Variants in MAF observed in about 807,000 individuals in gnomAD.
MAF encodes MAF bZIP transcription factor.
A neutral mutation model predicts 22.0 loss-of-function variants in MAF; 10 were observed. That is an observed-to-expected ratio of 0.45 (90% confidence interval 0.28 to 0.77). The LOEUF (loss-of-function observed/expected upper bound fraction) is 0.77. Among genes scored for constraint, MAF ranks in the 30% least tolerant of loss-of-function variants. The pLI is 0.12. For missense variants in MAF, 544 were observed against 548.4 expected (o/e 0.99, Z 0.08); for synonymous variants, 337 against 255.8 (o/e 1.32, Z -3.03).
chr16:79,333,513 ACC>A, the MAF span, among the ~76,000 whole-genome samples: 1 of 152,088 alleles, frequency 6.6e-6, no homozygotes, highest in Admixed American at 6.6e-5. Flanking sequence ...ATTACCCAAG[ACC>A]CCAGGAGGCA....
the MAF span, among the ~76,000 whole-genome samples, chr16:79,431,636 T>A: frequency 6.6e-6 from 1 of 152,232 alleles, no homozygotes; most frequent in Non-Finnish European, 1.5e-5. Context: ...TGTGAATCAC[T>A]GTGTCCTTCT....
chr16:79,473,526 T>A, the MAF span, among the ~76,000 whole-genome samples: 1 of 152,060 alleles, frequency 6.6e-6, no homozygotes, highest in African/African-American at 2.4e-5. Context: ...TGCCAAACAA[T>A]GTCAGATAAA....
chr16:79,267,944 G>A, the MAF span, among the ~76,000 whole-genome samples: 1 of 152,104 alleles, frequency 6.6e-6, no homozygotes, highest in Admixed American at 6.5e-5. Context: ...GTGGGCGGGG[G>A]CACGCCTTTC....
the MAF span, among the ~76,000 whole-genome samples, chr16:79,230,056 T>G: frequency 6.6e-6 from 1 of 152,108 alleles, no homozygotes; most frequent in African/African-American, 2.4e-5. Context: ...GAGGTAAATA[T>G]CGATCACTGA....
chr16:79,255,240 G>C, the MAF span, among the ~76,000 whole-genome samples: 4 of 152,232 alleles, frequency 2.6e-5, no homozygotes, highest in Non-Finnish European at 5.9e-5. Flanking sequence ...GTCCAGGAAT[G>C]GTTAGCTTTG....
the MAF span, among the ~76,000 whole-genome samples, chr16:79,244,153 C>A: frequency 1.3e-5 from 2 of 152,026 alleles, no homozygotes; most frequent in South Asian, 2.1e-4. Flanking sequence ...TGAAAACCGG[C>A]ACAAGACAAG....
At chr16:79,335,176 T>C in the MAF span, among the ~76,000 whole-genome samples, 2 of 129,204 alleles carry the variant, frequency 1.5e-5, no homozygotes, top group Admixed American at 9.1e-5. Context: ...AGAGCGAGAC[T>C]CCATCTCAAA....
chr16:79,502,712 T>TAAATATATATATATATAA, the MAF span, among the ~76,000 whole-genome samples: 2 of 31,124 alleles, frequency 6.4e-5, no homozygotes, highest in Non-Finnish European at 1.3e-4. Flanking sequence ...AATATAAATA[T>TAAATATATATATATATAA]ATATATATAT....
At chr16:79,292,244 A>G in the MAF span, among the ~76,000 whole-genome samples, 4 of 152,300 alleles carry the variant, frequency 2.6e-5, no homozygotes, top group African/African-American at 9.6e-5. Context: ...GAGAAGACAT[A>G]CTGGATTAGG....
the MAF span, among the ~76,000 whole-genome samples, chr16:79,327,197 G>C: frequency 6.6e-6 from 1 of 152,312 alleles, no homozygotes; most frequent in East Asian, 1.9e-4. Flanking sequence ...GCTTGGGGCA[G>C]GGGCTTTAGG....
In MAF at chr16:79,599,066, G is replaced by A. The variant is rs964237865; in HGVS notation, c.837C>T (p.Arg279=). ...MSVRELNRQL[R]GVSKEEVIRL... ...GGATCACCTCCTCCTTGCTGACCCC[G>A]CGCAGCTGCCGGTTCAGCTCGCGCA... Residue 279 remains arginine (R), a synonymous_variant, in exon 1 of 2, where the codon CGC becomes CGT. Transcript: ENST00000326043. 2 of 1,611,456 alleles carry A rather than the reference G, an allele frequency of 1.2e-6. No individual in the cohort carries two copies. The highest frequency in any genetic ancestry group is 2.2e-5 in the East Asian group (1 of 44,770).
the MAF span, among the ~76,000 whole-genome samples, chr16:79,220,973 G>C: frequency 2.4e-4 from 37 of 152,350 alleles, no homozygotes; most frequent in African/African-American, 7.2e-4. Flanking sequence ...AACCAAGACA[G>C]AAGAGGACAG....
the MAF span, among the ~76,000 whole-genome samples, chr16:79,251,856 AT>A: frequency 1.3e-5 from 2 of 152,034 alleles, no homozygotes; most frequent in South Asian, 2.1e-4. Flanking sequence ...TTTAAAAAAA[AT>A]TTTTTTGTAA....
the MAF span, among the ~76,000 whole-genome samples, chr16:79,316,231 T>C: frequency 1.3e-5 from 2 of 152,206 alleles, no homozygotes; most frequent in African/African-American, 4.8e-5. Context: ...CTGGTAACCT[T>C]ACTTAGCAAA....
the MAF span, among the ~76,000 whole-genome samples, chr16:79,554,153 T>C: frequency 3.2e-4 from 48 of 152,118 alleles, no homozygotes; most frequent in African/African-American, 1.1e-3. Context: ...GAATGAATGA[T>C]TGATTCTAAA....
the MAF span, among the ~76,000 whole-genome samples, chr16:79,552,028 G>A: frequency 6.6e-6 from 1 of 151,978 alleles, no homozygotes; most frequent in African/African-American, 2.4e-5. Context: ...CAAAATGTTT[G>A]GAGGATAAAA....
the MAF span, among the ~76,000 whole-genome samples, chr16:79,344,613 T>C: frequency 6.6e-6 from 1 of 152,206 alleles, no homozygotes; most frequent in African/African-American, 2.4e-5. Flanking sequence ...GGAAACTGTC[T>C]ATATAATAAG....
At chr16:79,591,184 C>T (rs1290093761), downstream of MAF, among the ~76,000 whole-genome samples, 1 of 152,110 alleles carries the variant, frequency 6.6e-6, no homozygotes, top group African/African-American at 2.4e-5. Flanking sequence ...AGCTTGGAAA[C>T]GGTCAAGGCT....
the MAF span, among the ~76,000 whole-genome samples, chr16:79,471,836 C>T: frequency 1.3e-5 from 2 of 152,140 alleles, no homozygotes; most frequent in African/African-American, 4.8e-5. Context: ...ATCAAATTTT[C>T]CATAATGGGT....
Sources: gnomAD v4.1 joint callset for allele counts (sites outside exome capture counted in the v4.1 genomes callset) on GRCh38, gnomAD v4.1.1 for gene constraint, MANE v1.5 for transcripts, NCBI Gene and HGNC (gene_info 2026-07-23, HGNC 2026-07-21) for gene names.